NBAS: variants seen among roughly 807,000 people sequenced by gnomAD.
The protein encoded by NBAS is NBAS subunit of NRZ tethering complex.
Under a neutral mutation model 302.5 loss-of-function variants are expected in NBAS, and 219 were observed. The ratio of observed to expected loss-of-function variants is 0.72; its 90% CI spans 0.65 to 0.81. The LOEUF is 0.81. NBAS is among the 30% of genes least tolerant of loss of function. The probability of loss-of-function intolerance (pLI) is 0.00; values close to 1 mark genes in which losing one functional copy is unlikely to be tolerated. For synonymous variants in NBAS, 1,118 were observed against 1,021.6 expected (o/e 1.09, Z -1.80); for missense variants, 2,932 against 2,841.6 (o/e 1.03, Z -0.72).
At chr2:14,872,765 CCA>C in the NBAS span, among the ~76,000 whole-genome samples, 1 of 151,884 alleles carries the variant, frequency 6.6e-6, no homozygotes, top group Admixed American at 6.6e-5. Context: ...CGTGGCGGGT[CCA>C]GAGTTGCTCT....
chr2:15,196,136 C>G (rs988725813), intron 48 of NBAS, among the ~76,000 whole-genome samples: 1 of 152,262 alleles, frequency 6.6e-6, no homozygotes, highest in South Asian at 2.1e-4. Flanking sequence ...AAATTTGCCT[C>G]GGGCTCTCTC....
At chr2:15,135,634 T>G in the NBAS span, among the ~76,000 whole-genome samples, 1 of 152,114 alleles carries the variant, frequency 6.6e-6, no homozygotes, top group Non-Finnish European at 1.5e-5. Context: ...CGGGAACCGT[T>G]GAAGCTTTGT....
At chr2:15,092,321 C>T in the NBAS span, among the ~76,000 whole-genome samples, 1 of 152,092 alleles carries the variant, frequency 6.6e-6, no homozygotes, top group Non-Finnish European at 1.5e-5. Flanking sequence ...AAAAAATCTA[C>T]CTAAGATGGT....
the NBAS span, among the ~76,000 whole-genome samples, chr2:15,032,024 A>T: frequency 6.6e-6 from 1 of 152,248 alleles, no homozygotes; most frequent in African/African-American, 2.4e-5. Context: ...CTAGCGCCAC[A>T]GTGCAGATCT....
rs558802753 is a variant in NBAS at position 15,296,775 on chromosome 2, C to G, written c.4798-4009G>C. Among the ~76,000 whole-genome samples, 6 of 152,148 alleles carry G rather than the reference C, an allele frequency of 3.9e-5. No individual in the cohort carries two copies. In the South Asian group the frequency reaches 1.2e-3, roughly 32 times the overall value. On this transcript the variant is annotated intron_variant, in intron 40 of 51. Coordinates refer to ENST00000281513, the MANE Select transcript of NBAS (RefSeq NM_015909.4). ...GATCACTTGAGCTCAGGAGTTCAAG[C>G]TGCAGTGAGCTATGATCACACCACT... is the stretch of plus-strand genomic sequence containing the variant.
chr2:15,008,605 A>G, the NBAS span, among the ~76,000 whole-genome samples: 537 of 152,322 alleles, frequency 3.5e-3, 3 homozygotes, highest in Middle Eastern at 0.031. Flanking sequence ...CTCAAGGTAT[A>G]GACACCTCTG....
At chr2:15,330,133 G>A (rs1339775385) in intron 36 of NBAS, among the ~76,000 whole-genome samples, 1 of 152,148 alleles carries the variant, frequency 6.6e-6, no homozygotes, top group Non-Finnish European at 1.5e-5. Context: ...TTGTTTTCCA[G>A]TGTGAGATTA....
rs763659083 is a variant in NBAS at position 15,218,976 on chromosome 2, G to C, written c.6237-8C>G. ...GGTGAAACCAGCTCCTCACTGCAGGGCAAAATCCAGAGGTATCTGTAAACT... is the reference window on the plus strand; with the variant it reads ...GGTGAAACCAGCTCCTCACTGCAGGCCAAAATCCAGAGGTATCTGTAAACT... On this transcript the variant is annotated splice_region_variant and splice_polypyrimidine_tract_variant and intron_variant, in intron 47 of 51. Coordinates refer to ENST00000281513, the MANE Select transcript of NBAS (RefSeq NM_015909.4). The C allele has an allele frequency of 6.2e-7, 1 of 1,614,142 alleles. No homozygotes were observed. Among genetic ancestry groups the C allele is most frequent in the Admixed American group, 1.7e-5 (1 of 60,026 alleles).
chr2:15,190,496 TA>T, intron 48 of NBAS, 93 bp from the exon 49 acceptor site: 1 of 1,430,654 alleles, frequency 7.0e-7, no homozygotes, highest in East Asian at 2.5e-5. Flanking sequence ...AACTTTTTTT[TA>T]AAATGTTTTA....
the NBAS span, among the ~76,000 whole-genome samples, chr2:15,126,743 T>C: frequency 9.8e-5 from 15 of 152,316 alleles, no homozygotes; most frequent in African/African-American, 3.6e-4. Flanking sequence ...CAGGTGGCCA[T>C]GGCAGGGCAC....
intron 9 of NBAS, among the ~76,000 whole-genome samples, chr2:15,515,987 G>A (rs941810418): frequency 2.6e-5 from 4 of 152,150 alleles, no homozygotes; most frequent in African/African-American, 9.7e-5. Flanking sequence ...GTGGGGAGAA[G>A]GGAAGGGTCA....
chr2:15,432,409 T>C (rs558988413), intron 21 of NBAS, among the ~76,000 whole-genome samples: 30 of 152,266 alleles, frequency 2.0e-4, no homozygotes, highest in African/African-American at 6.7e-4. Context: ...TAAACTACGC[T>C]GGCTTTCATT....
intron 38 of NBAS, among the ~76,000 whole-genome samples, chr2:15,321,319 C>G (rs1671794675): frequency 6.6e-6 from 1 of 152,188 alleles, no homozygotes; most frequent in African/African-American, 2.4e-5. Flanking sequence ...CAATACCATT[C>G]AGGACATAGG....
chr2:15,345,436 C>T (rs541096578), intron 35 of NBAS, among the ~76,000 whole-genome samples: 2 of 152,200 alleles, frequency 1.3e-5, no homozygotes, highest in East Asian at 3.9e-4. Context: ...ACCTAGGATA[C>T]AGTTAACAAG....
chr2:15,111,651 G>T, the NBAS span, among the ~76,000 whole-genome samples: 3,678 of 151,622 alleles, frequency 0.024, 138 homozygotes, highest in African/African-American at 0.077. Flanking sequence ...TGCTTTCCAA[G>T]AAAAATCCCC....
the NBAS span, among the ~76,000 whole-genome samples, chr2:14,967,171 T>C: frequency 0.01 from 1,540 of 152,258 alleles, 27 homozygotes; most frequent in African/African-American, 0.036. Flanking sequence ...TGGAGAAACA[T>C]ATTGTGTGTA....
chr2:15,346,568 T>C (rs1005180454), intron 35 of NBAS, among the ~76,000 whole-genome samples: 3 of 152,176 alleles, frequency 2.0e-5, no homozygotes, highest in African/African-American at 7.2e-5. Context: ...TGTAAATTAG[T>C]TCGATGATTG....
At chr2:15,423,602 C>A (rs909131803) in intron 23 of NBAS, among the ~76,000 whole-genome samples, 2 of 152,092 alleles carry the variant, frequency 1.3e-5, no homozygotes, top group East Asian at 3.8e-4. Context: ...CCTGGATTCA[C>A]CTTTCCTGTC....
At chr2:15,402,357 C>T (rs1572791127) in intron 25 of NBAS, 56 bp from the exon 26 acceptor site, 1 of 1,549,270 alleles carries the variant, frequency 6.5e-7, no homozygotes, top group East Asian at 2.3e-5. Flanking sequence ...GTCAATTTTT[C>T]CATATCCCAA....
Sources: allele counts gnomAD v4.1 joint callset (sites outside exome capture counted in the v4.1 genomes callset), GRCh38; gene constraint gnomAD v4.1.1; transcripts MANE v1.5; gene names NCBI Gene and HGNC (gene_info 2026-07-23, HGNC 2026-07-21).